The following STK32B variants were observed in gnomAD, a reference collection of about 807,000 sequenced individuals.
The protein encoded by STK32B is serine/threonine-protein kinase 32B.
STK32B carries 43 observed loss-of-function variants against 52.6 expected under a neutral mutation model. The observed-to-expected ratio is 0.82, with a 90% CI of 0.64 to 1.05. The LOEUF (loss-of-function observed/expected upper bound fraction) is 1.05, where lower values mean the gene tolerates loss of function less well. Among genes scored for constraint, STK32B ranks in the 50% least tolerant of loss-of-function variants. STK32B has a pLI of 0.00. For missense variants in STK32B, 621 were observed against 534.6 expected, an observed-to-expected ratio of 1.16 and a Z score of -1.59; for synonymous variants, 238 against 204.3, an observed-to-expected ratio of 1.17 and a Z score of -1.41.
At chr4:5,088,439 A>C (rs748195580) in intron 1 of STK32B, among the ~76,000 whole-genome samples, 6 of 152,090 alleles carry the variant, frequency 3.9e-5, no homozygotes, top group African/African-American at 7.2e-5. Flanking sequence ...ATATGTTTTA[A>C]AATAACTAAA....
At position 5,408,550 on chromosome 4, in the gene STK32B, G is replaced by A. The variant is rs113236146; in HGVS notation, c.473-8295G>A. On this transcript the variant is annotated intron_variant, in intron 5 of 11. Transcript: ENST00000282908. ...TTTCTTTATAAATTACCTAGACTCA[G>A]GTATCCTTTTATAGCAATGCGAGAA... Among the ~76,000 whole-genome samples the A allele has an allele frequency of 1.3e-3, 202 of 152,170 alleles. 3 individuals carry two copies. Among genetic ancestry groups the A allele is most frequent in the African/African-American group, 4.4e-3 (183 of 41,468 alleles).
Position 5,196,605 on chromosome 4 carries a change from C to T in STK32B, c.260+28155C>T, listed in dbSNP as rs551722106. On this transcript the variant is annotated intron_variant, in intron 3 of 11. Transcript: ENST00000282908. ...GCATGGTGGCGCACGCCTATAATCC[C>T]AGCTACTCAGGAGGCTGAGGCAGAA... 5.7e-3 allele frequency among the ~76,000 whole-genome samples: 871 copies of T among 152,030 alleles called. 9 individuals carry two copies. Among genetic ancestry groups the T allele is most frequent in the African/African-American group, 0.02 (823 of 41,490 alleles).
Position 5,460,049 on chromosome 4 carries a change from G to C in STK32B, c.784-54G>C. The C allele has an allele frequency of 9.9e-6, 16 of 1,613,808 alleles. No individual in the cohort carries two copies. Among genetic ancestry groups the C allele is most frequent in the Non-Finnish European group, 1.4e-5 (16 of 1,179,886 alleles). On this transcript the variant is annotated intron_variant, in intron 8 of 11. Coordinates refer to ENST00000282908, the MANE Select transcript of STK32B (RefSeq NM_018401.3). The surrounding 1 kb of genome is among the most constrained non-coding windows in gnomAD (Gnocchi z 4.8). The stretch of plus-strand genomic sequence containing the variant: ...TGAGACCCCCTCCTTCAGAGTCCCC[G>C]CTAACCTTGAGGGATGCCCAATTCA...
At chr4:5,201,778 G>C (rs557201070) in intron 3 of STK32B, among the ~76,000 whole-genome samples, 14 of 152,254 alleles carry the variant, frequency 9.2e-5, no homozygotes, top group African/African-American at 3.4e-4. Context: ...GATCTCCTAA[G>C]AACTCACTCA....
intron 1 of STK32B, among the ~76,000 whole-genome samples, chr4:5,094,671 A>G (rs1713283059): frequency 6.6e-6 from 1 of 152,158 alleles, no homozygotes; most frequent in African/African-American, 2.4e-5. Flanking sequence ...AGAATACAGT[A>G]TACAATACTT....
chr4:5,221,123 G>A (rs149596736), intron 3 of STK32B, among the ~76,000 whole-genome samples: 1 of 152,250 alleles, frequency 6.6e-6, no homozygotes, highest in East Asian at 1.9e-4. Flanking sequence ...AGCAATTGAT[G>A]TTCTTCTCTC....
At chr4:5,243,601 A>C (rs1251655151) in intron 3 of STK32B, among the ~76,000 whole-genome samples, 5 of 152,044 alleles carry the variant, frequency 3.3e-5, no homozygotes, top group Non-Finnish European at 5.9e-5. Context: ...CCTGGCCAGA[A>C]CCTCCAACAG....
intron 1 of STK32B, among the ~76,000 whole-genome samples, chr4:5,079,234 G>A (rs1712262572): frequency 6.6e-6 from 1 of 152,002 alleles, no homozygotes; most frequent in Admixed American, 6.6e-5. Context: ...GGATGTTTGG[G>A]CCCTTTCCAG....
intron 1 of STK32B, among the ~76,000 whole-genome samples, chr4:5,098,847 G>A (rs1233527569): frequency 6.6e-6 from 1 of 152,154 alleles, no homozygotes; most frequent in Non-Finnish European, 1.5e-5. Flanking sequence ...TGGGATCCAG[G>A]GAAAGAAGAT....
intron 11 of STK32B, among the ~76,000 whole-genome samples, chr4:5,487,879 C>T (rs192286693): frequency 6.6e-6 from 1 of 152,196 alleles, no homozygotes; most frequent in East Asian, 1.9e-4. Flanking sequence ...TTCTTTGTGG[C>T]CCACACATGA....
chr4:5,041,352 A>G, the STK32B span, among the ~76,000 whole-genome samples: 51 of 152,314 alleles, frequency 3.3e-4, no homozygotes, highest in African/African-American at 1.1e-3. Flanking sequence ...AGGCAAGAAT[A>G]CAATGAAATA....
At chr4:5,252,173 A>G (rs1026551589) in intron 3 of STK32B, among the ~76,000 whole-genome samples, 2 of 152,180 alleles carry the variant, frequency 1.3e-5, no homozygotes, top group Non-Finnish European at 2.9e-5. Flanking sequence ...TACCTTTTCT[A>G]TGCTCAGAGT....
the STK32B span, among the ~76,000 whole-genome samples, chr4:5,026,593 C>T: frequency 2.0e-5 from 3 of 152,184 alleles, no homozygotes; most frequent in Admixed American, 6.5e-5. Flanking sequence ...TTCATGCTCT[C>T]GACACATGGG....
At chr4:5,173,943 C>T (rs892195289) in intron 3 of STK32B, among the ~76,000 whole-genome samples, 2 of 152,120 alleles carry the variant, frequency 1.3e-5, no homozygotes, top group Non-Finnish European at 2.9e-5. Context: ...GAGTCTAAGT[C>T]TCTTTGTAGG....
At chr4:5,293,970 T>C (rs1729042398) in intron 3 of STK32B, among the ~76,000 whole-genome samples, 1 of 152,162 alleles carries the variant, frequency 6.6e-6, no homozygotes, top group Admixed American at 6.5e-5. Context: ...TTCTATAAGG[T>C]GTAAGGAAGG....
chr4:5,365,282 A>T (rs6849389), intron 4 of STK32B, among the ~76,000 whole-genome samples: 18 of 152,208 alleles, frequency 1.2e-4, no homozygotes, highest in African/African-American at 3.9e-4. Flanking sequence ...GTAATAGAAA[A>T]GATTTATTTA....
intron 7 of STK32B, among the ~76,000 whole-genome samples, chr4:5,454,010 G>A (rs1338049696): frequency 6.6e-6 from 1 of 152,072 alleles, no homozygotes; most frequent in Non-Finnish European, 1.5e-5. Context: ...ATAGAGAACT[G>A]CCCTTCCGCA....
At position 5,500,684 on chromosome 4, in the gene STK32B, G is replaced by T. The variant is rs1720659061; in HGVS notation, c.*1601G>T. 6.6e-6 allele frequency: 1 copy of T among 152,018 alleles called. No individual in the cohort carries two copies. Among genetic ancestry groups the T allele is most frequent in the Non-Finnish European group, 1.5e-5 (1 of 68,036 alleles). 9.4% of individuals were successfully genotyped at this position (152,018 alleles called of 1,614,324 possible). A position where few individuals can be genotyped will look rare whatever the true frequency, so the allele number is the denominator to read the frequency against. ...TTATTTTTTAAAAAAGAAATAGTCAGTGTTTTCCTCCTTTCAACCGAGACT... is the reference window on the plus strand; with the variant it reads ...TTATTTTTTAAAAAAGAAATAGTCATTGTTTTCCTCCTTTCAACCGAGACT... On this transcript the variant is annotated 3_prime_UTR_variant, in exon 12 of 12. Transcript: ENST00000282908.
At position 5,398,812 on chromosome 4, in the gene STK32B, G is replaced by A. The variant is rs113599272; in HGVS notation, c.472+568G>A. Among the ~76,000 whole-genome samples the A allele has an allele frequency of 8.2e-3, 1,192 of 144,580 alleles. 11 individuals carry two copies. Among genetic ancestry groups the A allele is most frequent in the African/African-American group, 0.032 (1,124 of 34,612 alleles). The allele number at this position is 144,580 out of a possible 152,430, so 94.9% of individuals were successfully genotyped here. ...CAAACTGATTTAGTAAGTCTGAGAT[G>A]GGACTAGACTCTGCAAAGTCCAGAG... On this transcript the variant is annotated intron_variant, in intron 5 of 11. Transcript: ENST00000282908. The surrounding 1 kb of genome is among the most constrained non-coding windows in gnomAD (Gnocchi z 4.9).
Sources: allele counts gnomAD v4.1 joint callset (sites outside exome capture counted in the v4.1 genomes callset), GRCh38; gene constraint gnomAD v4.1.1; non-coding constraint Gnocchi (gnomAD v3.1); transcripts MANE v1.5; gene names NCBI Gene and HGNC (gene_info 2026-07-23, HGNC 2026-07-21).